Variants in MGAT4C observed in about 807,000 individuals in gnomAD.
The protein encoded by MGAT4C is MGAT4 family member C.
MGAT4C carries 19 observed loss-of-function variants against 40.1 expected under a neutral mutation model. The ratio of observed to expected loss-of-function variants is 0.47; its 90% CI spans 0.33 to 0.70. The LOEUF is 0.70. Among genes scored for constraint, MGAT4C ranks in the 30% least tolerant of loss-of-function variants. MGAT4C has a pLI of 0.02. For synonymous variants in MGAT4C, 181 were observed against 187.1 expected (o/e 0.97, Z 0.27); for missense variants, 491 against 563.2 (o/e 0.87, Z 1.30).
intron 2 of MGAT4C, among the ~76,000 whole-genome samples, chr12:86,624,340 G>C (rs1389108532): frequency 6.6e-6 from 1 of 152,092 alleles, no homozygotes; most frequent in Non-Finnish European, 1.5e-5. Context: ...TCTCAATTCT[G>C]GTTGATCCTG....
intron 2 of MGAT4C, among the ~76,000 whole-genome samples, chr12:86,708,030 T>C (rs1011980817): frequency 6.6e-6 from 1 of 152,212 alleles, no homozygotes; most frequent in Admixed American, 6.5e-5. Flanking sequence ...AGGAGCTGAA[T>C]GCTAATCCCC....
At chr12:86,424,452 T>A (rs1162044423) in intron 3 of MGAT4C, among the ~76,000 whole-genome samples, 1 of 152,154 alleles carries the variant, frequency 6.6e-6, no homozygotes. Flanking sequence ...ATGTTGGCTA[T>A]ATACTTCTTA....
chr12:86,742,453 G>C (rs956619968), intron 1 of MGAT4C, among the ~76,000 whole-genome samples: 5 of 151,452 alleles, frequency 3.3e-5, no homozygotes, highest in African/African-American at 1.2e-4. Context: ...GCTTAATAGT[G>C]CCTTAAAAGA....
At chr12:86,725,447 T>C (rs879371767) in intron 2 of MGAT4C, among the ~76,000 whole-genome samples, 63 of 152,120 alleles carry the variant, frequency 4.1e-4, no homozygotes, top group Non-Finnish European at 8.2e-4. Flanking sequence ...CAGCGCCCCC[T>C]GACATTTTTG....
At chr12:86,689,956 G>T (rs1159981739) in intron 2 of MGAT4C, among the ~76,000 whole-genome samples, 1 of 152,180 alleles carries the variant, frequency 6.6e-6, no homozygotes. Flanking sequence ...GGGGATGGGA[G>T]TTTTATCTAC....
chr12:86,191,127 ACACACACC>A (rs1329069632), intron 1 of MGAT4C, among the ~76,000 whole-genome samples: 2 of 123,092 alleles, frequency 1.6e-5, no homozygotes, highest in South Asian at 5.1e-4. Flanking sequence ...ACACACACAC[ACACACACC>A]CCTATAGGGT....
chr12:86,690,093 C>G (rs927463362), intron 2 of MGAT4C, among the ~76,000 whole-genome samples: 3 of 152,172 alleles, frequency 2.0e-5, no homozygotes, highest in African/African-American at 7.2e-5. Context: ...TTCGAACTTC[C>G]CAGTGGCTTT....
chr12:86,682,189 T>G (rs1050584958), intron 2 of MGAT4C, among the ~76,000 whole-genome samples: 1 of 152,032 alleles, frequency 6.6e-6, no homozygotes, highest in African/African-American at 2.4e-5. Flanking sequence ...TGTAGGCATG[T>G]TTACTTATTA....
rs1883518380 is a variant in MGAT4C, at chr12:85,969,522, G to A, written c.*9767C>T. 1 of 151,498 alleles carries A rather than the reference G, an allele frequency of 6.6e-6. No individual in the cohort carries two copies. The highest frequency in any genetic ancestry group is 1.5e-5 in the Non-Finnish European group (1 of 67,628). 9.4% of individuals were successfully genotyped at this position (151,498 alleles called of 1,614,324 possible). A position where few individuals can be genotyped will look rare whatever the true frequency, so the allele number is the denominator to read the frequency against. On this transcript the variant is annotated 3_prime_UTR_variant, in exon 5 of 5. Transcript: ENST00000611864. ...TTGGAATAACAGAAATTAGGTTGTG[G>A]TTCAGTGGAATTACAGAAGCAAGTG...
intron 3 of MGAT4C, among the ~76,000 whole-genome samples, chr12:86,378,750 G>A (rs906890179): frequency 2.0e-5 from 3 of 152,110 alleles, no homozygotes; most frequent in Admixed American, 6.6e-5. Context: ...TCAATCTCAC[G>A]ATACTAATCT....
rs113531170 is a variant in MGAT4C at position 86,527,086 on chromosome 12, A to C, written c.-228-91821T>G. On this transcript the variant is annotated intron_variant, in intron 2 of 7. Transcript: ENST00000548651. ...CCTTCTGAATATTTGTTATGAGTGCACAAGTCATCTGGGTCCTTTGGTGGC... is the reference window on the plus strand; with the variant it reads ...CCTTCTGAATATTTGTTATGAGTGCCCAAGTCATCTGGGTCCTTTGGTGGC... 3.3e-3 allele frequency among the ~76,000 whole-genome samples: 505 copies of C among 152,136 alleles called. 1 individual carries two copies. Among genetic ancestry groups the C allele is most frequent in the African/African-American group, 0.012 (488 of 41,494 alleles).
At chr12:86,754,697 T>A (rs994054463) in intron 1 of MGAT4C, among the ~76,000 whole-genome samples, 2 of 152,124 alleles carry the variant, frequency 1.3e-5, no homozygotes, top group African/African-American at 4.8e-5. Flanking sequence ...GACTGTATAA[T>A]GGAATTAGGC....
intron 2 of MGAT4C, among the ~76,000 whole-genome samples, chr12:86,613,235 TA>T (rs1235801320): frequency 6.6e-6 from 1 of 152,094 alleles, no homozygotes; most frequent in Non-Finnish European, 1.5e-5. Flanking sequence ...AAGAAAAATT[TA>T]AAAAAATAGC....
At chr12:86,076,120 C>G (rs1288519163) in intron 1 of MGAT4C, among the ~76,000 whole-genome samples, 2 of 152,170 alleles carry the variant, frequency 1.3e-5, no homozygotes, top group East Asian at 3.9e-4. Flanking sequence ...TGCTTTGCTG[C>G]TTAGAAATTT....
At chr12:86,380,154 G>A (rs551233396) in intron 3 of MGAT4C, among the ~76,000 whole-genome samples, 1 of 151,900 alleles carries the variant, frequency 6.6e-6, no homozygotes, top group East Asian at 1.9e-4. Flanking sequence ...GTTTAAATTG[G>A]TTCTGCTTAA....
intron 2 of MGAT4C, among the ~76,000 whole-genome samples, chr12:86,708,745 T>C (rs981722674): frequency 6.6e-6 from 1 of 152,194 alleles, no homozygotes; most frequent in Non-Finnish European, 1.5e-5. Context: ...CCTAAAGATC[T>C]GATAGCCCCA....
intron 1 of MGAT4C, among the ~76,000 whole-genome samples, chr12:86,171,886 A>G (rs1201021321): frequency 6.6e-6 from 1 of 152,198 alleles, no homozygotes; most frequent in Non-Finnish European, 1.5e-5. Flanking sequence ...AACAATTTAG[A>G]GACCCACAAA....
chr12:86,245,566 C>T (rs1192407242), intron 1 of MGAT4C, among the ~76,000 whole-genome samples: 1 of 152,130 alleles, frequency 6.6e-6, no homozygotes, highest in Non-Finnish European at 1.5e-5. Context: ...GAGTGAGTAT[C>T]TTTGTCACAT....
At chr12:86,198,777 T>A (rs1246366680) in intron 1 of MGAT4C, among the ~76,000 whole-genome samples, 1 of 152,184 alleles carries the variant, frequency 6.6e-6, no homozygotes, top group Non-Finnish European at 1.5e-5. Flanking sequence ...AAAATGCCAA[T>A]ACATCTTCAT....
Sources: gnomAD v4.1 joint callset for allele counts (sites outside exome capture counted in the v4.1 genomes callset) on GRCh38, gnomAD v4.1.1 for gene constraint, MANE v1.5 for transcripts, NCBI Gene and HGNC (gene_info 2026-07-23, HGNC 2026-07-21) for gene names.